INTS2: variants seen among roughly 807,000 people sequenced by gnomAD.
INTS2 encodes integrator complex subunit 2, also known as KIAA1287.
Under a neutral mutation model 139.6 loss-of-function variants are expected in INTS2, and 57 were observed. That is an observed-to-expected ratio of 0.41 (90% CI 0.33 to 0.51). The LOEUF is 0.51. Ranked by LOEUF, INTS2 falls within the 20% of genes least tolerant of loss-of-function variation. The probability of loss-of-function intolerance (pLI) is 0.28; values close to 1 mark genes in which losing one functional copy is unlikely to be tolerated. For missense variants in INTS2, 1,196 were observed against 1,436.7 expected (o/e 0.83, Z 2.71); for synonymous variants, 473 against 493.4 (o/e 0.96, Z 0.55).
At chr17:61,915,421 G>C (rs2079570907) in intron 5 of INTS2, among the ~76,000 whole-genome samples, 1 of 151,692 alleles carries the variant, frequency 6.6e-6, no homozygotes, top group African/African-American at 2.4e-5. Flanking sequence ...ATGAACTTGG[G>C]AGGCTGATGC....
At position 61,874,499 on chromosome 17, in the gene INTS2, G is replaced by A. The variant is rs1396990893; in HGVS notation, c.2582+414C>T. 8.5e-5 allele frequency among the ~76,000 whole-genome samples: 13 copies of A among 152,322 alleles called. No homozygotes were observed. In the South Asian group the frequency reaches 2.7e-3, roughly 32 times the overall value. ...AATTGGTAAGGATTTAGAGCCAAAT[G>A]TGGAATCAATGAAGCTAACATCACT... On this transcript the variant is annotated intron_variant, in intron 19 of 24. Transcript: ENST00000251334.
intron 5 of INTS2, among the ~76,000 whole-genome samples, chr17:61,916,922 A>G (rs1433535537): frequency 1.3e-5 from 2 of 152,214 alleles, no homozygotes; most frequent in East Asian, 3.8e-4. Flanking sequence ...TGCAGAATCT[A>G]TAAGGACATA....
chr17:61,894,865 T>C (rs762443692), intron 12 of INTS2, among the ~76,000 whole-genome samples: 3 of 151,230 alleles, frequency 2.0e-5, no homozygotes, highest in Non-Finnish European at 4.4e-5. Context: ...ATGAAAAAAA[T>C]CCTTATGCTT....
At chr17:61,904,187 C>CA (rs1402542569) in intron 9 of INTS2, among the ~76,000 whole-genome samples, 2 of 152,074 alleles carry the variant, frequency 1.3e-5, no homozygotes, top group Non-Finnish European at 2.9e-5. Context: ...CCTGCAGTCC[C>CA]AGCTACTTGG....
intron 3 of INTS2, among the ~76,000 whole-genome samples, chr17:61,923,749 G>A (rs369178620): frequency 2.4e-4 from 36 of 151,782 alleles, no homozygotes; most frequent in African/African-American, 6.0e-4. Flanking sequence ...GCACAATCTC[G>A]GCTCACCACA....
At chr17:61,890,471 G>C (rs1282428464) in intron 14 of INTS2, among the ~76,000 whole-genome samples, 1 of 151,776 alleles carries the variant, frequency 6.6e-6, no homozygotes, top group African/African-American at 2.4e-5. Context: ...TTAGCCAGGC[G>C]TGGTGGCAGG....
chr17:61,913,008 G>T (rs1282557762), intron 5 of INTS2, among the ~76,000 whole-genome samples: 2 of 151,300 alleles, frequency 1.3e-5, no homozygotes, highest in Non-Finnish European at 3.0e-5. Flanking sequence ...CCCGGGAGGT[G>T]GAAGTTGCAG....
At chr17:61,901,425 A>G (rs1256163008) in intron 9 of INTS2, among the ~76,000 whole-genome samples, 2 of 151,622 alleles carry the variant, frequency 1.3e-5, no homozygotes, top group Non-Finnish European at 2.9e-5. Flanking sequence ...CAAAATCAGT[A>G]TGACTAATAT....
At position 61,867,533 on chromosome 17, in the gene INTS2, CT is replaced by C; in HGVS notation, c.*23del. 6.5e-7 allele frequency: 1 copy of C among 1,536,256 alleles called. No individual in the cohort carries two copies. Among genetic ancestry groups the C allele is most frequent in the Middle Eastern group, 2.2e-4 (1 of 4,506 alleles). Reference sequence around the variant, plus strand: ...CATGTTGGGTATATGCAGCAAACAACTTTTTGTTGTTTTAAATTTTGTTTTA... The same window carrying C: ...CATGTTGGGTATATGCAGCAAACAACTTTTGTTGTTTTAAATTTTGTTTTA... On this transcript the variant is annotated 3_prime_UTR_variant, in exon 25 of 25. Coordinates refer to ENST00000251334, the MANE Select transcript of INTS2 (RefSeq NM_001351695.2). The surrounding 1 kb of genome is among the most constrained non-coding windows in gnomAD (Gnocchi z 5.6).
chr17:61,870,042 C>A lies in INTS2; in HGVS notation c.2779-54G>T. The A allele has an allele frequency of 1.3e-6, 2 of 1,483,800 alleles. No individual in the cohort carries two copies. The highest frequency in any genetic ancestry group is 1.2e-5 in the South Asian group (1 of 80,040). The allele number at this position is 1,483,800 out of a possible 1,614,324, so 91.9% of individuals were successfully genotyped here. On this transcript the variant is annotated intron_variant, in intron 20 of 24. Transcript: ENST00000251334. This position sits in a 1 kb window ranked among gnomAD's most constrained non-coding sequence, Gnocchi z 4.4. ...AAGAAGTTTCTAAGAAGTTAAAAAA[C>A]AAATCAGATTTTATTTTCACATGAA...
chr17:61,925,142 A>G (rs768247562), intron 2 of INTS2, 43 bp from the exon 3 acceptor site: 1 of 1,543,042 alleles, frequency 6.5e-7, no homozygotes, highest in South Asian at 1.1e-5. Context: ...AAACACTGAT[A>G]TGGAAATAAT....
chr17:61,879,375 T>C (rs906962257), intron 17 of INTS2, among the ~76,000 whole-genome samples: 2 of 152,126 alleles, frequency 1.3e-5, no homozygotes, highest in Admixed American at 6.6e-5. Context: ...CTAAAAAATA[T>C]CTAGAACTAT....
In INTS2 at chr17:61,873,624, C is replaced by G. The variant is rs2079105915; in HGVS notation, c.2583-1164G>C. On this transcript the variant is annotated intron_variant, in intron 19 of 24. Coordinates refer to ENST00000251334, the MANE Select transcript of INTS2 (RefSeq NM_001351695.2). This position sits in a 1 kb window ranked among gnomAD's most constrained non-coding sequence, Gnocchi z 4.0. ...TGGTTTCCTTTTATTAGATACTTAA[C>G]ATCATTTACATACACAGTTTGTTCT... is the stretch of plus-strand genomic sequence containing the variant. Among the ~76,000 whole-genome samples, 1 of 152,156 alleles carries G rather than the reference C, an allele frequency of 6.6e-6. No individual in the cohort carries two copies. Among genetic ancestry groups the G allele is most frequent in the African/African-American group, 2.4e-5 (1 of 41,444 alleles).
intron 13 of INTS2, 109 bp from the exon 14 acceptor site, chr17:61,891,798 C>T: frequency 1.3e-6 from 1 of 781,146 alleles, no homozygotes; most frequent in South Asian, 2.2e-5. Context: ...GTAAAACTCA[C>T]TATTAACTTT....
intron 9 of INTS2, among the ~76,000 whole-genome samples, chr17:61,902,344 T>C (rs1220542832): frequency 6.6e-6 from 1 of 152,154 alleles, no homozygotes; most frequent in Non-Finnish European, 1.5e-5. Context: ...GTCTAAAACC[T>C]CCTTTTATTT....
chr17:61,898,892 G>A (rs918744574), intron 9 of INTS2, among the ~76,000 whole-genome samples: 1 of 152,202 alleles, frequency 6.6e-6, no homozygotes, highest in Admixed American at 6.5e-5. Context: ...GGGAATACAG[G>A]CCTGAGCCAC....
At chr17:61,920,788 G>T (rs2079633241) in intron 4 of INTS2, among the ~76,000 whole-genome samples, 2 of 151,876 alleles carry the variant, frequency 1.3e-5, no homozygotes, top group South Asian at 4.2e-4. Flanking sequence ...GGGTGACAGA[G>T]TGAGACTCCA....
intron 5 of INTS2, among the ~76,000 whole-genome samples, chr17:61,917,849 T>C (rs2143146985): frequency 6.6e-6 from 1 of 152,190 alleles, no homozygotes; most frequent in South Asian, 2.1e-4. Flanking sequence ...ATGTAAATAA[T>C]GTTTAGAAAG....
At position 61,909,215 on chromosome 17, in the gene INTS2, G is replaced by A. The variant is rs1304829963; in HGVS notation, c.955-1581C>T. On this transcript the variant is annotated intron_variant, in intron 7 of 24. Transcript: ENST00000251334. This position sits in a 1 kb window ranked among gnomAD's most constrained non-coding sequence, Gnocchi z 4.9. ...CAACCTCTGCCTCCCATGTTCAAGC[G>A]ATTCTCCTGCCTCAGCCTCCCGAGT... Among the ~76,000 whole-genome samples, 1 of 151,968 alleles carries A rather than the reference G, an allele frequency of 6.6e-6. No individual in the cohort carries two copies. The highest frequency in any genetic ancestry group is 1.5e-5 in the Non-Finnish European group (1 of 68,006).
Sources: gnomAD v4.1 joint callset for allele counts (sites outside exome capture counted in the v4.1 genomes callset) on GRCh38, gnomAD v4.1.1 for gene constraint, Gnocchi (gnomAD v3.1) non-coding constraint, MANE v1.5 for transcripts, NCBI Gene and HGNC (gene_info 2026-07-23, HGNC 2026-07-21) for gene names.